The following GRM7 variants were observed in gnomAD, a reference collection of about 807,000 sequenced individuals.
GRM7 encodes metabotropic glutamate receptor 7.
A neutral mutation model predicts 84.5 loss-of-function variants in GRM7; 35 were observed. The ratio of observed to expected loss-of-function variants is 0.41; its 90% CI spans 0.32 to 0.55. The LOEUF (loss-of-function observed/expected upper bound fraction) is 0.55, where lower values mean the gene tolerates loss of function less well. Among genes scored for constraint, GRM7 ranks in the 20% least tolerant of loss-of-function variants. The pLI is 0.19. For missense variants in GRM7, 1,003 were observed against 1,194.6 expected (o/e 0.84, Z 2.36); for synonymous variants, 487 against 455.1 (o/e 1.07, Z -0.89).
rs115151197 is a variant in GRM7, at chr3:6,958,475, C to T, written c.519+96568C>T. Among the ~76,000 whole-genome samples, 487 of 152,212 alleles carry T rather than the reference C, an allele frequency of 3.2e-3. 1 individual carries two copies. The highest frequency in any genetic ancestry group is 5.2e-3 in the Admixed American group (79 of 15,288). ...TCAGGCTTGTCTTTTGTAAATAAAG[C>T]TGTTGCAAATATTTGTCTACAAGTA... On this transcript the variant is annotated intron_variant, in intron 1 of 9. Transcript: ENST00000357716.
At chr3:7,108,493 ATT>A (rs35770215) in intron 1 of GRM7, among the ~76,000 whole-genome samples, 66 of 139,942 alleles carry the variant, frequency 4.7e-4, no homozygotes, top group Middle Eastern at 3.7e-3. Context: ...GGACTCAACC[ATT>A]TTTTTTTTTT....
intron 1 of GRM7, among the ~76,000 whole-genome samples, chr3:7,050,516 TA>T (rs1238725764): frequency 1.3e-5 from 2 of 151,876 alleles, no homozygotes; most frequent in South Asian, 2.1e-4. Context: ...TCTCTTAATG[TA>T]AACAGTTTAA....
chr3:6,861,937 A>C lies in GRM7; in HGVS notation c.519+30A>C. 6.4e-7 allele frequency: 1 copy of C among 1,571,042 alleles called. No individual in the cohort carries two copies. The highest frequency in any genetic ancestry group is 8.7e-7 in the Non-Finnish European group (1 of 1,151,102). On this transcript the variant is annotated intron_variant, in intron 1 of 9. Coordinates refer to ENST00000357716, the MANE Select transcript of GRM7 (RefSeq NM_000844.4). The surrounding 1 kb of genome is among the most constrained non-coding windows in gnomAD (Gnocchi z 6.4). ...GGATGCGCTCCCTCCGGGGCGGAGC[A>C]CACAGTGGCTACCTGCGCCCTTAAC...
At chr3:7,053,066 T>G (rs1472095549) in intron 1 of GRM7, among the ~76,000 whole-genome samples, 2 of 149,632 alleles carry the variant, frequency 1.3e-5, no homozygotes, top group Non-Finnish European at 3.0e-5. Context: ...TAGTCTTTTG[T>G]TTTTCTTGGG....
chr3:7,622,890 C>T (rs895757906), intron 8 of GRM7, among the ~76,000 whole-genome samples: 2 of 152,060 alleles, frequency 1.3e-5, no homozygotes, highest in Non-Finnish European at 2.9e-5. Context: ...AACCACACAC[C>T]CTGCTGCCTA....
chr3:7,133,150 G>C (rs538984957), intron 1 of GRM7, among the ~76,000 whole-genome samples: 1 of 152,298 alleles, frequency 6.6e-6, no homozygotes, highest in South Asian at 2.1e-4. Context: ...AGGTGGCTAG[G>C]AAACACAAGG....
chr3:7,096,425 AG>A (rs1698862690), intron 1 of GRM7, among the ~76,000 whole-genome samples: 1 of 152,138 alleles, frequency 6.6e-6, no homozygotes, highest in South Asian at 2.1e-4. Flanking sequence ...AACTCAAGAA[AG>A]TGCTATCCTT....
chr3:7,334,619 G>A (rs1701334049), intron 4 of GRM7, among the ~76,000 whole-genome samples: 1 of 152,058 alleles, frequency 6.6e-6, no homozygotes, highest in Admixed American at 6.6e-5. Flanking sequence ...AAAAGATACA[G>A]AATGGCAGAA....
At chr3:6,900,386 G>A (rs1047001337) in intron 1 of GRM7, among the ~76,000 whole-genome samples, 1 of 152,096 alleles carries the variant, frequency 6.6e-6, no homozygotes, top group Non-Finnish European at 1.5e-5. Flanking sequence ...ACCATCTGGC[G>A]AATAATACAA....
chr3:7,216,883 G>C (rs1400316539), intron 2 of GRM7, among the ~76,000 whole-genome samples: 1 of 151,912 alleles, frequency 6.6e-6, no homozygotes, highest in Non-Finnish European at 1.5e-5. Flanking sequence ...ACATGTTTGA[G>C]TGTATTTGTG....
At chr3:7,505,657 A>C (rs556599939) in intron 7 of GRM7, among the ~76,000 whole-genome samples, 6 of 152,282 alleles carry the variant, frequency 3.9e-5, no homozygotes, top group African/African-American at 1.4e-4. Flanking sequence ...TCGATGACTT[A>C]TACCTTCTAT....
At chr3:7,307,325 A>G (rs1700228094) in intron 4 of GRM7, among the ~76,000 whole-genome samples, 1 of 151,002 alleles carries the variant, frequency 6.6e-6, no homozygotes, top group Admixed American at 6.6e-5. Context: ...TAATTTGGAA[A>G]GAAAAGTTGT....
chr3:7,064,641 G>A (rs1697583560), intron 1 of GRM7, among the ~76,000 whole-genome samples: 1 of 150,648 alleles, frequency 6.6e-6, no homozygotes, highest in Non-Finnish European at 1.5e-5. Context: ...ATTGTGAATT[G>A]TGCTGCTATA....
chr3:6,919,393 G>A (rs1371679453), intron 1 of GRM7, among the ~76,000 whole-genome samples: 1 of 131,340 alleles, frequency 7.6e-6, no homozygotes, highest in Non-Finnish European at 1.6e-5. Flanking sequence ...TTTTAATAGA[G>A]ATGGGGTTTC....
chr3:7,498,356 G>A (rs1335710114), intron 7 of GRM7, among the ~76,000 whole-genome samples: 1 of 152,144 alleles, frequency 6.6e-6, no homozygotes, highest in Non-Finnish European at 1.5e-5. Flanking sequence ...AATTTGGGTT[G>A]GGCAATGTTT....
intron 8 of GRM7, among the ~76,000 whole-genome samples, chr3:7,592,978 C>T (rs1351794841): frequency 1.3e-5 from 2 of 152,154 alleles, no homozygotes; most frequent in African/African-American, 4.8e-5. Flanking sequence ...GACTGGTAAC[C>T]TCTTCCATGG....
Position 7,680,125 on chromosome 3 carries a change from C to T in GRM7, c.2528C>T (p.Pro843Leu), listed in dbSNP as rs1387453915. 3.1e-6 allele frequency: 5 copies of T among 1,613,800 alleles called. No individual in the cohort carries two copies. The highest frequency in any genetic ancestry group is 1.7e-5 in the Admixed American group (1 of 59,996). ...GTGGCGCTGGGGATGCTATACATGC[C>T]GAAAGTGTACATCATCATTTTCCAC... ...ASVALGMLYM[P>L]KVYIIIFHPE... The change falls in exon 9 of 10, where the codon CCG (proline) becomes CTG (leucine). Residue 843 changes from proline to leucine, a missense_variant. By Grantham distance (98) the Pro-to-Leu change is moderately conservative (BLOSUM62 -3). Around this residue, in one of 2 missense-constraint regions of GRM7, gnomAD observed 910 missense variants for 1,126.0 expected, o/e 0.81. Coordinates refer to ENST00000357716, the MANE Select transcript of GRM7 (RefSeq NM_000844.4).
intron 1 of GRM7, among the ~76,000 whole-genome samples, chr3:7,129,093 C>T (rs929041897): frequency 4.6e-5 from 7 of 152,088 alleles, no homozygotes; most frequent in Non-Finnish European, 7.4e-5. Flanking sequence ...TAGGAGTGCA[C>T]CAATTTAGTA....
intron 1 of GRM7, among the ~76,000 whole-genome samples, chr3:7,096,880 G>A (rs2125015054): frequency 6.6e-6 from 1 of 152,204 alleles, no homozygotes; most frequent in Admixed American, 6.5e-5. Flanking sequence ...TCTTTATTAT[G>A]CTATAGATAC....
Sources: allele counts gnomAD v4.1 joint callset (sites outside exome capture counted in the v4.1 genomes callset), GRCh38; gene constraint gnomAD v4.1.1; regional missense constraint gnomAD v4.1.1; non-coding constraint Gnocchi (gnomAD v3.1); transcripts MANE v1.5; gene names NCBI Gene and HGNC (gene_info 2026-07-23, HGNC 2026-07-21).